Variants in PXN observed in about 807,000 individuals in gnomAD.
The protein encoded by PXN is paxillin.
Under a neutral mutation model 103.6 loss-of-function variants are expected in PXN, and 61 were observed. The ratio of observed to expected loss-of-function variants is 0.59; its 90% CI spans 0.48 to 0.73. The LOEUF (loss-of-function observed/expected upper bound fraction) is 0.73. Ranked by LOEUF, PXN falls within the 30% of genes least tolerant of loss-of-function variation. The pLI is 0.00. For synonymous variants in PXN, 562 were observed against 607.8 expected, an observed-to-expected ratio of 0.92 and a Z score of 1.11; for missense variants, 1,274 against 1,460.3, an observed-to-expected ratio of 0.87 and a Z score of 2.08.
intron 1 of PXN, among the ~76,000 whole-genome samples, chr12:120,259,082 C>CA (rs79558381): frequency 4.9e-4 from 71 of 145,564 alleles, no homozygotes; most frequent in Middle Eastern, 3.8e-3. Flanking sequence ...AACAAACAAA[C>CA]AAAAAAAAAC....
intron 1 of PXN, among the ~76,000 whole-genome samples, chr12:120,232,060 G>A (rs1372726699): frequency 6.6e-6 from 1 of 152,192 alleles, no homozygotes; most frequent in African/African-American, 2.4e-5. Flanking sequence ...GACAAGTCTT[G>A]TTCTGCCACT....
At chr12:120,239,319 C>G (rs1210966525) in intron 1 of PXN, among the ~76,000 whole-genome samples, 1 of 152,218 alleles carries the variant, frequency 6.6e-6, no homozygotes, top group African/African-American at 2.4e-5. Context: ...CGGGGTGGCT[C>G]ACGCCTATAA....
chr12:120,255,675 C>G (rs1204259991), intron 1 of PXN, among the ~76,000 whole-genome samples: 1 of 151,688 alleles, frequency 6.6e-6, no homozygotes, highest in Non-Finnish European at 1.5e-5. Context: ...GCCTGGGTGA[C>G]AGAGAAAGAC....
intron 1 of PXN, among the ~76,000 whole-genome samples, chr12:120,246,541 G>GAAAAGA (rs1399407749): frequency 1.5e-5 from 2 of 136,802 alleles, no homozygotes; most frequent in African/African-American, 5.4e-5. Flanking sequence ...AAAGAAAAAA[G>GAAAAGA]AAAAGAAAAA....
In PXN at chr12:120,215,553, C is replaced by T; in HGVS notation, c.2403+7G>A. 1 of 1,580,012 alleles carries T rather than the reference C, an allele frequency of 6.3e-7. No homozygotes were observed. The highest frequency in any genetic ancestry group is 2.3e-5 in the East Asian group (1 of 44,418). ...CGCAGGACACCCAGCCCAGCCTTGG[C>T]ACTGACCCCTCCCTCGTCCTGCCCT... On this transcript the variant is annotated splice_region_variant and intron_variant, in intron 10 of 14. Transcript: ENST00000637617. The surrounding 1 kb of genome is among the most constrained non-coding windows in gnomAD (Gnocchi z 4.9).
chr12:120,235,765 G>T (rs1888913113), intron 1 of PXN, among the ~76,000 whole-genome samples: 1 of 152,142 alleles, frequency 6.6e-6, no homozygotes, highest in Admixed American at 6.5e-5. Flanking sequence ...GAGAAGGCTG[G>T]TGCACTCCAT....
chr12:120,253,621 A>C (rs2701641), intron 1 of PXN, among the ~76,000 whole-genome samples: 17,183 of 152,264 alleles, frequency 0.11, 2,907 homozygotes, highest in African/African-American at 0.37. Context: ...GCTTCCTCTG[A>C]AAGTAGAAAA....
At chr12:120,262,175 C>T (rs1893980729) in intron 1 of PXN, among the ~76,000 whole-genome samples, 2 of 152,180 alleles carry the variant, frequency 1.3e-5, no homozygotes, top group African/African-American at 4.8e-5. Context: ...TAGCACTACC[C>T]CCAAGGACAA....
rs1431326301 is a variant in PXN at position 120,224,844 on chromosome 12, G to A, written c.14-467C>T. 1.4e-5 allele frequency: 6 copies of A among 420,746 alleles called. No individual in the cohort carries two copies. The highest frequency in any genetic ancestry group is 1.3e-4 in the Admixed American group (5 of 39,618). 26.1% of individuals were successfully genotyped at this position (420,746 alleles called of 1,614,324 possible). A position where few individuals can be genotyped will look rare whatever the true frequency, so the allele number is the denominator to read the frequency against. Reference sequence around the variant, plus strand: ...GCTTAGGCTTTCCCAGCCCCCGACTGGAAGGGGCACTCAGGATGGTCCCTG... The same window carrying A: ...GCTTAGGCTTTCCCAGCCCCCGACTAGAAGGGGCACTCAGGATGGTCCCTG... On this transcript the variant is annotated intron_variant, in intron 1 of 14. Coordinates refer to ENST00000637617, the MANE Select transcript of PXN (RefSeq NM_001385981.1). The surrounding 1 kb of genome is among the most constrained non-coding windows in gnomAD (Gnocchi z 5.0).
At position 120,222,624 on chromosome 12, in the gene PXN, C is replaced by A; in HGVS notation, c.620G>T (p.Gly207Val). 6.2e-7 allele frequency: 1 copy of A among 1,609,694 alleles called. No homozygotes were observed. The highest frequency in any genetic ancestry group is 2.2e-5 in the East Asian group (1 of 44,768). ...LTKEKPKRNG[G>V]RGLEDVRPSV... is the part of the protein sequence containing the mutation. ...GGGCCGCACGTCCTCCAGGCCCCGG[C>A]CCCCATTCCGCTTAGGCTTCTCTTT... Residue 207 changes from glycine to valine, a missense_variant, in exon 5 of 15, where the codon GGC (glycine) becomes GTC (valine). Transcript: ENST00000637617. The surrounding 1 kb of genome is among the most constrained non-coding windows in gnomAD (Gnocchi z 4.7).
intron 1 of PXN, among the ~76,000 whole-genome samples, chr12:120,260,730 T>C (rs897925712): frequency 3.3e-5 from 5 of 151,960 alleles, no homozygotes; most frequent in Admixed American, 2.0e-4. Context: ...TTTTGGGAGG[T>C]TGATGCAGGC....
chr12:120,253,889 A>G (rs1271412956), intron 1 of PXN, among the ~76,000 whole-genome samples: 1 of 151,878 alleles, frequency 6.6e-6, no homozygotes, highest in Non-Finnish European at 1.5e-5. Context: ...TTATTATTTT[A>G]CTTATTTTTG....
chr12:120,214,514 C>T lies in PXN; in HGVS notation c.2749-297G>A, dbSNP rs1566352720. 6.6e-6 allele frequency among the ~76,000 whole-genome samples: 1 copy of T among 152,184 alleles called. No individual in the cohort carries two copies. The highest frequency in any genetic ancestry group is 1.5e-5 in the Non-Finnish European group (1 of 68,042). On this transcript the variant is annotated intron_variant, in intron 12 of 14. Coordinates refer to ENST00000637617, the MANE Select transcript of PXN (RefSeq NM_001385981.1). This position sits in a 1 kb window ranked among gnomAD's most constrained non-coding sequence, Gnocchi z 5.0. ...TAGGCTCAGAGAGGCCAGGCATTTC[C>T]TAAGTTCACAGAGAGGGAGAGTGAG...
intron 1 of PXN, among the ~76,000 whole-genome samples, chr12:120,258,973 G>A (rs1893445366): frequency 6.6e-6 from 1 of 152,094 alleles, no homozygotes; most frequent in Non-Finnish European, 1.5e-5. Context: ...GGAGACTGAG[G>A]CAGCAGAATC....
chr12:120,215,468 C>G lies in PXN; in HGVS notation c.2403+92G>C. The stretch of plus-strand genomic sequence containing the variant: ...ACTCCTGGTGGTCGGAGGGGCCCAC[C>G]AGGGTCGGAAAGGCTGAGGGCACCC... On this transcript the variant is annotated intron_variant, in intron 10 of 14. Coordinates refer to ENST00000637617, the MANE Select transcript of PXN (RefSeq NM_001385981.1). The surrounding 1 kb of genome is among the most constrained non-coding windows in gnomAD (Gnocchi z 4.9). 1 of 1,487,362 alleles carries G rather than the reference C, an allele frequency of 6.7e-7. No individual in the cohort carries two copies. The highest frequency in any genetic ancestry group is 1.3e-5 in the South Asian group (1 of 74,848). The allele number at this position is 1,487,362 out of a possible 1,614,324, so 92.1% of individuals were successfully genotyped here. A position where few individuals can be genotyped will look rare whatever the true frequency, so the allele number is the denominator to read the frequency against.
chr12:120,215,366 C>T lies in PXN; in HGVS notation c.2404-93G>A. 2 of 1,485,398 alleles carry T rather than the reference C, an allele frequency of 1.3e-6. No homozygotes were observed. The highest frequency in any genetic ancestry group is 1.8e-6 in the Non-Finnish European group (2 of 1,119,418). The allele number at this position is 1,485,398 out of a possible 1,614,324, so 92.0% of individuals were successfully genotyped here. ...TGGGGGTACTTTTCTCCCTCCTGGA[C>T]AGATGAGCTGATGGAGACAAGAAGT... is the stretch of plus-strand genomic sequence containing the variant. On this transcript the variant is annotated intron_variant, in intron 10 of 14. Transcript: ENST00000637617. The surrounding 1 kb of genome is among the most constrained non-coding windows in gnomAD (Gnocchi z 4.9).
chr12:120,224,455 C>A lies in PXN; in HGVS notation c.14-78G>T. 9.6e-7 allele frequency: 1 copy of A among 1,046,780 alleles called. No individual in the cohort carries two copies. Among genetic ancestry groups the A allele is most frequent in the South Asian group, 1.3e-5 (1 of 79,890 alleles). 64.8% of individuals were successfully genotyped at this position (1,046,780 alleles called of 1,614,324 possible). On this transcript the variant is annotated intron_variant, in intron 1 of 14. Coordinates refer to ENST00000637617, the MANE Select transcript of PXN (RefSeq NM_001385981.1). This position sits in a 1 kb window ranked among gnomAD's most constrained non-coding sequence, Gnocchi z 5.0. ...CCCGTGGCAGGGCCCTCCCTGCCTGCACCTCAAGAGTTAATGCCTTCTAGC... is the reference window on the plus strand; with the variant it reads ...CCCGTGGCAGGGCCCTCCCTGCCTGAACCTCAAGAGTTAATGCCTTCTAGC...
rs1322322708 is a variant in PXN at position 120,265,466 on chromosome 12, C to CAGCCCCGCGG, written c.13+141_13+150dup. On this transcript the variant is annotated intron_variant, in intron 1 of 14. Coordinates refer to ENST00000637617, the MANE Select transcript of PXN (RefSeq NM_001385981.1). The surrounding 1 kb of genome is among the most constrained non-coding windows in gnomAD (Gnocchi z 5.7). Reference sequence around the variant, plus strand: ...GAGACTAAGGCCCGGTTAGGGATCCCAGCCCCGCGGAGCCCCGGCCGGCAG... The same window carrying CAGCCCCGCGG: ...GAGACTAAGGCCCGGTTAGGGATCCCAGCCCCGCGGAGCCCCGCGGAGCCCCGGCCGGCAG... 6 of 917,216 alleles carry CAGCCCCGCGG rather than the reference C, an allele frequency of 6.5e-6. No individual in the cohort carries two copies. Among genetic ancestry groups the CAGCCCCGCGG allele is most frequent in the Non-Finnish European group, 8.9e-6 (6 of 671,348 alleles). The allele number at this position is 917,216 out of a possible 1,614,324, so 56.8% of individuals were successfully genotyped here.
At chr12:120,236,319 TTTC>T (rs917061963) in intron 1 of PXN, among the ~76,000 whole-genome samples, 8 of 152,164 alleles carry the variant, frequency 5.3e-5, no homozygotes, top group Non-Finnish European at 1.0e-4. Flanking sequence ...AACTGATTTT[TTTC>T]TTTTTTTGAG....
Sources: allele counts gnomAD v4.1 joint callset (sites outside exome capture counted in the v4.1 genomes callset), GRCh38; gene constraint gnomAD v4.1.1; non-coding constraint Gnocchi (gnomAD v3.1); transcripts MANE v1.5; gene names NCBI Gene and HGNC (gene_info 2026-07-23, HGNC 2026-07-21).